The following SORBS2 variants were observed in gnomAD, a reference collection of about 807,000 sequenced individuals.
SORBS2 encodes sorbin and SH3 domain-containing protein 2.
In SORBS2, 46 loss-of-function variants were observed where a neutral mutation model predicts 97.7. The ratio of observed to expected loss-of-function variants is 0.47; its 90% CI spans 0.37 to 0.60. SORBS2 has a LOEUF of 0.60. SORBS2 is among the 20% of genes least tolerant of loss of function. The pLI, the probability that SORBS2 is intolerant of heterozygous loss-of-function variation, is 0.00. For missense variants in SORBS2, 1,316 were observed against 1,282.3 expected, an observed-to-expected ratio of 1.03 and a Z score of -0.40; for synonymous variants, 476 against 473.4, an observed-to-expected ratio of 1.01 and a Z score of -0.07.
At chr4:185,591,378 A>G (rs915176814) in intron 13 of SORBS2, among the ~76,000 whole-genome samples, 2 of 152,154 alleles carry the variant, frequency 1.3e-5, no homozygotes, top group African/African-American at 4.8e-5. Context: ...GTTTGTGATT[A>G]TGGGGAAGGG....
intron 2 of SORBS2, among the ~76,000 whole-genome samples, chr4:185,768,729 A>T (rs2098952294): frequency 6.6e-6 from 1 of 151,032 alleles, no homozygotes; most frequent in Non-Finnish European, 1.5e-5. Flanking sequence ...ACAAAAAAAA[A>T]TGCAAATTTG....
intron 1 of SORBS2, among the ~76,000 whole-genome samples, chr4:185,787,385 A>C (rs1584839377): frequency 6.6e-6 from 1 of 152,232 alleles, no homozygotes; most frequent in East Asian, 1.9e-4. Flanking sequence ...TTAAGTAAAA[A>C]GTACGTAAAA....
At chr4:185,934,027 C>T (rs896463563) in intron 1 of SORBS2, among the ~76,000 whole-genome samples, 4 of 152,102 alleles carry the variant, frequency 2.6e-5, no homozygotes, top group Non-Finnish European at 4.4e-5. Context: ...AGCATTTTTC[C>T]CCATAGGAAA....
chr4:185,703,034 A>T (rs2098287769), intron 2 of SORBS2, among the ~76,000 whole-genome samples: 1 of 152,204 alleles, frequency 6.6e-6, no homozygotes, highest in South Asian at 2.1e-4. Context: ...GATGGGGTAC[A>T]TATTAACACA....
intron 4 of SORBS2, chr4:185,645,432 G>A (rs2097192456): frequency 6.6e-6 from 1 of 151,910 alleles, no homozygotes; most frequent in Non-Finnish European, 1.5e-5. Flanking sequence ...TTGTAGTCCT[G>A]TTACTCTAAA....
chr4:185,903,988 AC>A (rs1391295303), intron 1 of SORBS2, among the ~76,000 whole-genome samples: 3 of 152,168 alleles, frequency 2.0e-5, no homozygotes, highest in Non-Finnish European at 4.4e-5. Flanking sequence ...CAGCAAAAAT[AC>A]CCATTCCTCT....
At chr4:185,617,819 G>A (rs989388486) in intron 9 of SORBS2, among the ~76,000 whole-genome samples, 1 of 152,202 alleles carries the variant, frequency 6.6e-6, no homozygotes, top group African/African-American at 2.4e-5. Context: ...GAATCTCTGA[G>A]CTTTGCAGGC....
At chr4:185,793,935 C>T (rs181763029) in intron 1 of SORBS2, among the ~76,000 whole-genome samples, 1 of 152,330 alleles carries the variant, frequency 6.6e-6, no homozygotes, top group East Asian at 1.9e-4. Context: ...GGCCTTGGTC[C>T]CCGCAGGCTC....
At chr4:185,648,055 A>C (rs2097244728) in intron 3 of SORBS2, among the ~76,000 whole-genome samples, 1 of 152,238 alleles carries the variant, frequency 6.6e-6, no homozygotes, top group Admixed American at 6.5e-5. Context: ...CCCCTTTCAC[A>C]CACGATGTGT....
chr4:185,800,055 A>C (rs544391263), intron 1 of SORBS2, among the ~76,000 whole-genome samples: 11 of 152,252 alleles, frequency 7.2e-5, no homozygotes, highest in African/African-American at 2.6e-4. Flanking sequence ...TTAGCTGAGC[A>C]TGGTGGTGCA....
chr4:185,671,800 C>T (rs2097716525), intron 4 of SORBS2, among the ~76,000 whole-genome samples: 1 of 152,240 alleles, frequency 6.6e-6, no homozygotes, highest in African/African-American at 2.4e-5. Context: ...TCCAATAATT[C>T]GATCTCAGAA....
rs549602221 is a variant in SORBS2 at position 185,586,310 on chromosome 4, A to G, written c.*1317T>C. On this transcript the variant is annotated 3_prime_UTR_variant, in exon 15 of 15. Transcript: ENST00000418609. The stretch of plus-strand genomic sequence containing the variant: ...CATATTAAACCTTCCAGGTCCCAAT[A>G]TCATTTTTTAAATTTCTGCTTCAGG... The G allele has an allele frequency of 7.9e-5, 12 of 152,766 alleles. No homozygotes were observed. The South Asian group carries it at 8.3e-4, about 11-fold the overall frequency. 9.5% of individuals were successfully genotyped at this position (152,766 alleles called of 1,614,324 possible).
chr4:185,881,409 C>T (rs1296622184), intron 1 of SORBS2, among the ~76,000 whole-genome samples: 1 of 152,064 alleles, frequency 6.6e-6, no homozygotes, highest in East Asian at 1.9e-4. Flanking sequence ...GAAAGTGCTC[C>T]AGGAAAAGTG....
intron 1 of SORBS2, among the ~76,000 whole-genome samples, chr4:185,880,876 A>G (rs1478196695): frequency 1.3e-5 from 2 of 152,162 alleles, no homozygotes; most frequent in African/African-American, 4.8e-5. Context: ...TCTGGGAAGT[A>G]TTGTCTGTGG....
chr4:185,862,782 C>T (rs940862851), intron 1 of SORBS2, among the ~76,000 whole-genome samples: 1 of 152,224 alleles, frequency 6.6e-6, no homozygotes, highest in African/African-American at 2.4e-5. Context: ...CCTCAGGTCC[C>T]CCTCTTGTTT....
At chr4:185,909,056 C>T (rs1421508077) in intron 1 of SORBS2, among the ~76,000 whole-genome samples, 2 of 151,942 alleles carry the variant, frequency 1.3e-5, no homozygotes, top group Admixed American at 6.6e-5. Flanking sequence ...GGTTTCTACC[C>T]ATAGGAAAAG....
chr4:185,716,570 C>T (rs1212371870), intron 2 of SORBS2, among the ~76,000 whole-genome samples: 1 of 152,038 alleles, frequency 6.6e-6, no homozygotes, highest in African/African-American at 2.4e-5. Context: ...AATGAATTCA[C>T]GAATCAGGTT....
chr4:185,674,878 A>G (rs1045637259), intron 4 of SORBS2, among the ~76,000 whole-genome samples: 1 of 152,146 alleles, frequency 6.6e-6, no homozygotes, highest in Non-Finnish European at 1.5e-5. Flanking sequence ...TGGTCTCCAC[A>G]TCTCTACTTT....
intron 1 of SORBS2, among the ~76,000 whole-genome samples, chr4:185,822,457 TG>T (rs1354695432): frequency 1.3e-5 from 2 of 152,250 alleles, no homozygotes; most frequent in Non-Finnish European, 2.9e-5. Context: ...CAGTATTTTT[TG>T]TATTCGGTGA....
Sources: gnomAD v4.1 joint callset for allele counts (sites outside exome capture counted in the v4.1 genomes callset) on GRCh38, gnomAD v4.1.1 for gene constraint, MANE v1.5 for transcripts, NCBI Gene and HGNC (gene_info 2026-07-23, HGNC 2026-07-21) for gene names.